The following DAB1 variants were observed in gnomAD, a reference collection of about 807,000 sequenced individuals.
DAB1 encodes the protein DAB adaptor protein 1.
Under a neutral mutation model 64.6 loss-of-function variants are expected in DAB1, and 15 were observed. That is an observed-to-expected ratio of 0.23 (90% CI 0.16 to 0.36). DAB1 has a LOEUF of 0.36. Among genes scored for constraint, DAB1 ranks in the 10% least tolerant of loss-of-function variants. DAB1 has a pLI of 1.00. For synonymous variants in DAB1, 235 were observed against 251.9 expected (o/e 0.93, Z 0.64); for missense variants, 596 against 706.7 (o/e 0.84, Z 1.78).
At chr1:57,629,131 C>T (rs1558555901) in intron 7 of DAB1, among the ~76,000 whole-genome samples, 1 of 152,134 alleles carries the variant, frequency 6.6e-6, no homozygotes, top group Non-Finnish European at 1.5e-5. Flanking sequence ...TCTTCAGAAA[C>T]TCATACAATT....
At chr1:57,302,421 G>C (rs1673737352) in intron 1 of DAB1, among the ~76,000 whole-genome samples, 3 of 152,056 alleles carry the variant, frequency 2.0e-5, no homozygotes, top group African/African-American at 7.2e-5. Context: ...CCCCTGCACA[G>C]GAAGCCTTCC....
At chr1:57,136,268 C>T (rs534879971) in intron 4 of DAB1, among the ~76,000 whole-genome samples, 1 of 152,144 alleles carries the variant, frequency 6.6e-6, no homozygotes, top group African/African-American at 2.4e-5. Flanking sequence ...TGTCACATTA[C>T]CCATTGATCT....
intron 6 of DAB1, among the ~76,000 whole-genome samples, chr1:57,671,064 A>G (rs1646504874): frequency 6.6e-6 from 1 of 152,128 alleles, no homozygotes; most frequent in Non-Finnish European, 1.5e-5. Context: ...GACAAATTCA[A>G]GTTTTGCTTT....
chr1:57,149,859 A>G (rs1214684632), intron 2 of DAB1, among the ~76,000 whole-genome samples: 1 of 152,200 alleles, frequency 6.6e-6, no homozygotes, highest in Non-Finnish European at 1.5e-5. Flanking sequence ...CTTAAAGACA[A>G]GTAGTTCACA....
At chr1:57,082,526 T>A (rs958577748) in intron 4 of DAB1, among the ~76,000 whole-genome samples, 3 of 152,196 alleles carry the variant, frequency 2.0e-5, no homozygotes, top group Non-Finnish European at 2.9e-5. Context: ...ATTTGTATAT[T>A]TTTAAACTTA....
intron 6 of DAB1, among the ~76,000 whole-genome samples, chr1:57,747,863 C>T (rs1481285093): frequency 7.6e-6 from 1 of 132,274 alleles, no homozygotes; most frequent in Non-Finnish European, 1.6e-5. Flanking sequence ...GCTAGGCCAA[C>T]TGGCACTGAA....
chr1:57,695,363 A>AAG lies in DAB1; in HGVS notation n.552-45699_552-45698insCT, dbSNP rs1557427764. Among the ~76,000 whole-genome samples the AAG allele has an allele frequency of 1.2e-3, 50 of 40,198 alleles. 3 individuals are homozygous for AAG. The highest frequency in any genetic ancestry group is 7.6e-3 in the African/African-American group (44 of 5,760). The allele number at this position is 40,198 out of a possible 152,430, so 26.4% of individuals were successfully genotyped here. A position where few individuals can be genotyped will look rare whatever the true frequency, so the allele number is the denominator to read the frequency against. ...AAGAAAGAAAGAAAGAAAAGAAAGAAGAAAGAAAGAAAGAAAGAAAGAAAG... is the reference window on the plus strand; with the variant it reads ...AAGAAAGAAAGAAAGAAAAGAAAGAAAGGAAAGAAAGAAAGAAAGAAAGAAAG... On this transcript the variant is annotated intron_variant and non_coding_transcript_variant, in intron 6 of 20. Transcript: ENST00000485760.
chr1:57,357,311 T>C (rs966281240), intron 1 of DAB1, among the ~76,000 whole-genome samples: 4 of 152,058 alleles, frequency 2.6e-5, no homozygotes, highest in Admixed American at 2.6e-4. Context: ...TTCCTGGTTA[T>C]ATGATCTGAT....
chr1:58,114,468 A>G (rs1486170327), intron 5 of DAB1, among the ~76,000 whole-genome samples: 1 of 152,212 alleles, frequency 6.6e-6, no homozygotes, highest in African/African-American at 2.4e-5. Context: ...CCTGCATTCC[A>G]GTCTCATTGC....
intron 5 of DAB1, among the ~76,000 whole-genome samples, chr1:58,016,006 A>G (rs1536144): frequency 0.45 from 65,305 of 145,924 alleles, 14,352 homozygotes; most frequent in East Asian, 0.65. Context: ...CAAACAGCCT[A>G]GGGGGGGGTA....
chr1:57,503,204 T>C (rs955893774), intron 7 of DAB1, among the ~76,000 whole-genome samples: 1 of 152,242 alleles, frequency 6.6e-6, no homozygotes, highest in Non-Finnish European at 1.5e-5. Context: ...ATTCACATCA[T>C]AGGGTACTGT....
chr1:58,004,589 T>C (rs1412683691), intron 5 of DAB1, among the ~76,000 whole-genome samples: 1 of 152,188 alleles, frequency 6.6e-6, no homozygotes, highest in Non-Finnish European at 1.5e-5. Flanking sequence ...CCAAGTGGTG[T>C]TGCTTAACCT....
At chr1:58,208,236 C>T (rs1385760439) in intron 4 of DAB1, among the ~76,000 whole-genome samples, 2 of 152,090 alleles carry the variant, frequency 1.3e-5, no homozygotes, top group Non-Finnish European at 2.9e-5. Flanking sequence ...TAGTGGAATT[C>T]GAATTCAATC....
intron 7 of DAB1, among the ~76,000 whole-genome samples, chr1:57,611,878 G>T (rs1570673155): frequency 6.6e-6 from 1 of 152,230 alleles, no homozygotes; most frequent in East Asian, 1.9e-4. Flanking sequence ...TCTTCCTATT[G>T]CACTTAGAAT....
At chr1:57,609,481 A>C (rs1570671248) in intron 7 of DAB1, among the ~76,000 whole-genome samples, 2 of 152,244 alleles carry the variant, frequency 1.3e-5, no homozygotes, top group African/African-American at 4.8e-5. Context: ...TTTGAGGGGG[A>C]TCCTCGAGAC....
At chr1:58,445,195 A>G (rs1409643116) in intron 3 of DAB1, among the ~76,000 whole-genome samples, 1 of 152,326 alleles carries the variant, frequency 6.6e-6, no homozygotes, top group Non-Finnish European at 1.5e-5. Flanking sequence ...AAGATAACCA[A>G]ATCTACTTTT....
At chr1:58,541,925 T>C (rs1380781686) in intron 1 of DAB1, among the ~76,000 whole-genome samples, 2 of 152,222 alleles carry the variant, frequency 1.3e-5, no homozygotes, top group African/African-American at 4.8e-5. Flanking sequence ...TTTTTCTGCA[T>C]GTTTCAAAAT....
At chr1:57,809,708 AC>A (rs1366587493) in intron 6 of DAB1, among the ~76,000 whole-genome samples, 2 of 152,198 alleles carry the variant, frequency 1.3e-5, no homozygotes, top group Admixed American at 6.5e-5. Flanking sequence ...TCCCCACATG[AC>A]ACCATAGCAA....
At chr1:58,150,480 A>C (rs556977824) in intron 5 of DAB1, 6 of 152,176 alleles carry the variant, frequency 3.9e-5, no homozygotes, top group Non-Finnish European at 7.3e-5. Context: ...TAAAATGAAA[A>C]AAGGAGCATA....
Sources: gnomAD v4.1 joint callset for allele counts (sites outside exome capture counted in the v4.1 genomes callset) on GRCh38, gnomAD v4.1.1 for gene constraint, MANE v1.5 for transcripts, NCBI Gene and HGNC (gene_info 2026-07-23, HGNC 2026-07-21) for gene names.